The following ACADVL variants were observed in gnomAD, a reference collection of about 807,000 sequenced individuals.
ACADVL encodes acyl-CoA dehydrogenase very long chain.
Under a neutral mutation model 80.4 loss-of-function variants are expected in ACADVL, and 73 were observed. That is an observed-to-expected ratio of 0.91 (90% CI 0.75 to 1.10). ACADVL has a LOEUF of 1.10. Ranked by LOEUF, ACADVL falls within the 50% of genes least tolerant of loss-of-function variation. ACADVL has a pLI of 0.00. For missense variants in ACADVL, 878 were observed against 858.9 expected (o/e 1.02, Z -0.28); for synonymous variants, 392 against 326.5 (o/e 1.20, Z -2.16).
At chr17:7,218,865 C>T (rs1397565376), upstream of ACADVL, 2 of 1,613,538 alleles carry the variant, frequency 1.2e-6, no homozygotes, top group South Asian at 2.2e-5. Context: ...TCTTCTCTCA[C>T]TTTAATCTCC....
intron 7 of ACADVL, 58 bp from the exon 8 acceptor site, chr17:7,221,894 G>A: frequency 6.2e-7 from 1 of 1,613,288 alleles, no homozygotes; most frequent in Non-Finnish European, 8.5e-7. Context: ...GGGGAAGTGG[G>A]CCGAGGGGAC....
Position 7,222,799 on chromosome 17 carries a change from C to G in ACADVL, c.1011C>G (p.Leu337=). The part of the protein sequence containing the change: ...GSGFKVAMHI[L]NNGRFGMAAA... ...GCTTCAAGGTTGCCATGCACATCCTCAACAATGGAAGGTTTGGCATGGCTG... is the reference window on the plus strand; with the variant it reads ...GCTTCAAGGTTGCCATGCACATCCTGAACAATGGAAGGTTTGGCATGGCTG... The change falls in exon 10 of 20, where the codon CTC becomes CTG. Residue 337 remains leucine (L), a synonymous_variant. Transcript: ENST00000356839. The G allele has an allele frequency of 6.2e-7, 1 of 1,613,966 alleles. No individual in the cohort carries two copies. The highest frequency in any genetic ancestry group is 1.1e-5 in the South Asian group (1 of 91,064).
chr17:7,220,075 C>T, intron 1 of ACADVL, 29 bp downstream of exon 1: 1 of 1,598,538 alleles, frequency 6.3e-7, no homozygotes. Flanking sequence ...GGACGGTGGG[C>T]AGCGGCCCTG....
intron 6 of ACADVL, 65 bp downstream of exon 6, chr17:7,221,123 G>T: frequency 6.2e-7 from 1 of 1,609,636 alleles, no homozygotes. Flanking sequence ...CAGCTCTTTT[G>T]CCATAGACCT....
In ACADVL at chr17:7,224,648, A is replaced by G. The variant is rs1236745245; in HGVS notation, c.1685A>G (p.Gln562Arg). The stretch of plus-strand genomic sequence containing the variant: ...CACCCCACCTACCGGACAGATGAAC[A>G]GTTTCTGCTGCAGCGGCTGGCAGAC... ...IKHKKGIVNE[Q>R]FLLQRLADGA... The change falls in exon 18 of 20, where the codon CAG (glutamine) becomes CGG (arginine). Residue 562 changes from glutamine (Q) to arginine (R), a missense_variant. Transcript: ENST00000356839. 7.6e-7 allele frequency: 1 copy of G among 1,307,638 alleles called. No individual in the cohort carries two copies. Among genetic ancestry groups the G allele is most frequent in the South Asian group, 1.2e-5 (1 of 81,978 alleles). The allele number at this position is 1,307,638 out of a possible 1,614,324, so 81.0% of individuals were successfully genotyped here. A position where few individuals can be genotyped will look rare whatever the true frequency, so the allele number is the denominator to read the frequency against.
chr17:7,218,956 C>A (rs1465631691), upstream of ACADVL: 1 of 1,209,516 alleles, frequency 8.3e-7, no homozygotes, highest in African/African-American at 1.5e-5. Flanking sequence ...TCTGAGCCGA[C>A]CAGCTGTCCC....
chr17:7,222,443 A>T (rs1293245040), intron 9 of ACADVL, 141 bp downstream of exon 9: 2 of 1,341,874 alleles, frequency 1.5e-6, no homozygotes, highest in Admixed American at 2.2e-5. Context: ...ACTAATATGT[A>T]TGCAACTGAG....
chr17:7,221,981 G>A lies in ACADVL; in HGVS notation c.652G>A (p.Glu218Lys), dbSNP rs1432183079. Residue 218 changes from glutamate (E) to lysine (K), a missense_variant, in exon 8 of 20, where the codon GAG becomes AAG. Transcript: ENST00000356839. ...GETVAAFCLT[E>K]PSSGSDAASI... ...GACTGTGGCCGCTTTCTGTCTAACC[G>A]AGCCCTCAAGCGGGTCAGATGCAGC... 4 of 1,613,916 alleles carry A rather than the reference G, an allele frequency of 2.5e-6. No homozygotes were observed. In the South Asian group the frequency reaches 3.3e-5, roughly 13 times the overall value.
At chr17:7,221,467 C>A in intron 6 of ACADVL, 71 bp from the exon 7 acceptor site, 1 of 1,607,968 alleles carries the variant, frequency 6.2e-7, no homozygotes. Context: ...TGCCCTGTTG[C>A]CCACACTCTC....
Position 7,224,570 on chromosome 17 carries a change from C to T in ACADVL, c.1678+18C>T. On this transcript the variant is annotated intron_variant, in intron 17 of 19. Transcript: ENST00000356839. ...GATTGTCAGTAAGTGAGCTCTACACCATTCCGCCCCTCCCTTTCCTCTCCT... is the reference window on the plus strand; with the variant it reads ...GATTGTCAGTAAGTGAGCTCTACACTATTCCGCCCCTCCCTTTCCTCTCCT... 6.2e-7 allele frequency: 1 copy of T among 1,609,394 alleles called. No individual in the cohort carries two copies.
In ACADVL at chr17:7,223,217, A is replaced by T. The variant is rs2142982448; in HGVS notation, c.1162A>T (p.Met388Leu). ...LIQEKLARMV[M>L]LQYVTESMAY... ...CCAGGAGAAGCTGGCACGGATGGTT[A>T]TGCTGCAGTATGTAACTGAGGTGAG... Residue 388 changes from methionine (M) to leucine (L), a missense_variant, in exon 11 of 20, where the codon ATG becomes TTG. Met to Leu is a conservative substitution (Grantham distance 15). Coordinates refer to ENST00000356839, the MANE Select transcript of ACADVL (RefSeq NM_000018.4). 1.2e-6 allele frequency: 2 copies of T among 1,613,842 alleles called. No individual in the cohort carries two copies. Among genetic ancestry groups the T allele is most frequent in the Middle Eastern group, 1.7e-4 (1 of 6,060 alleles).
At position 7,224,340 on chromosome 17, in the gene ACADVL, G is replaced by C; in HGVS notation, c.1552G>C (p.Gly518Arg). Residue 518 changes from glycine to arginine, a missense_variant, in exon 16 of 20, where the codon GGC (glycine) becomes CGC (arginine). Physicochemically the swap from Gly to Arg is moderately radical, Grantham distance 125. Coordinates refer to ENST00000356839, the MANE Select transcript of ACADVL (RefSeq NM_000018.4). ...TCTCAGGCGGGCAGGGCTGGGCAGC[G>C]GCCTGAGTCTCAGCGGACTTGTCCA... ...QLRRRAGLGS[G>R]LSLSGLVHPE... is the part of the protein sequence containing the mutation. 1 of 1,613,876 alleles carries C rather than the reference G, an allele frequency of 6.2e-7. No individual in the cohort carries two copies. Among genetic ancestry groups the C allele is most frequent in the Non-Finnish European group, 8.5e-7 (1 of 1,179,982 alleles).
chr17:7,222,372 G>C, intron 9 of ACADVL, 70 bp downstream of exon 9: 3 of 1,586,882 alleles, frequency 1.9e-6, no homozygotes, highest in African/African-American at 1.3e-5. Flanking sequence ...GATGGCTGTT[G>C]CAAGTCACCC....
At chr17:7,218,854 C>G (rs1567557525), upstream of ACADVL, 1 of 1,613,642 alleles carries the variant, frequency 6.2e-7, no homozygotes, top group African/African-American at 1.3e-5. Context: ...GGACATCTCT[C>G]TCTTCTCTCA....
chr17:7,219,127 C>G (rs548765475), upstream of ACADVL: 2 of 527,524 alleles, frequency 3.8e-6, no homozygotes, highest in East Asian at 6.5e-5. Context: ...GAAGCTGAGC[C>G]CAGCTCTCTC....
rs2071361911 is a variant in ACADVL, at chr17:7,224,128, G to A, written c.1435-18G>A. 3 of 1,613,910 alleles carry A rather than the reference G, an allele frequency of 1.9e-6. No individual in the cohort carries two copies. In the South Asian group the frequency reaches 3.3e-5, roughly 18 times the overall value. ...GGAGGACAGTGAGTCCTGACTGCTG[G>A]ACCCTCTTCCCCCATAGGACAAAGG... On this transcript the variant is annotated intron_variant, in intron 14 of 19. Transcript: ENST00000356839.
At chr17:7,222,149 A>G (rs372041785) in intron 8 of ACADVL, 28 bp from the exon 9 acceptor site, 2 of 1,613,934 alleles carry the variant, frequency 1.2e-6, no homozygotes, top group African/African-American at 2.7e-5. Flanking sequence ...CCCGTCCTCC[A>G]CGCCCTGAAT....
upstream of ACADVL, chr17:7,218,224 C>T (rs759500299): frequency 1.2e-5 from 19 of 1,603,864 alleles, no homozygotes; most frequent in Admixed American, 2.0e-4. Context: ...GTTAGGCGCT[C>T]GCCCCCACCT....
chr17:7,224,463 T>C lies in ACADVL; in HGVS notation c.1606-17T>C, dbSNP rs1302526331. 1 of 1,613,948 alleles carries C rather than the reference T, an allele frequency of 6.2e-7. No individual in the cohort carries two copies. Among genetic ancestry groups the C allele is most frequent in the Non-Finnish European group, 8.5e-7 (1 of 1,179,998 alleles). On this transcript the variant is annotated splice_polypyrimidine_tract_variant and intron_variant, in intron 16 of 19. Coordinates refer to ENST00000356839, the MANE Select transcript of ACADVL (RefSeq NM_000018.4). ...CCGATGGCCCCTCTGAGCCCCGCACTGTCCCCATCTCTTAAGGCAGTACGG... is the reference window on the plus strand; with the variant it reads ...CCGATGGCCCCTCTGAGCCCCGCACCGTCCCCATCTCTTAAGGCAGTACGG...
Sources: gnomAD v4.1 joint callset for allele counts on GRCh38, gnomAD v4.1.1 for gene constraint, MANE v1.5 for transcripts, NCBI Gene and HGNC (gene_info 2026-07-23, HGNC 2026-07-21) for gene names.